The following CASZ1 variants were observed in gnomAD, a reference collection of about 807,000 sequenced individuals.
CASZ1 encodes the protein castor zinc finger 1, also known as zinc finger protein castor homolog 1.
CASZ1 carries 28 observed loss-of-function variants against 135.2 expected under a neutral mutation model. The ratio of observed to expected loss-of-function variants is 0.21; its 90% CI spans 0.15 to 0.28. The LOEUF is 0.28. Ranked by LOEUF, CASZ1 falls within the 10% of genes least tolerant of loss-of-function variation. The probability of loss-of-function intolerance (pLI) is 1.00; values close to 1 mark genes in which losing one functional copy is unlikely to be tolerated. For synonymous variants in CASZ1, 1,068 were observed against 1,073.4 expected, an observed-to-expected ratio of 0.99 and a Z score of 0.10; for missense variants, 2,161 against 2,453.3, an observed-to-expected ratio of 0.88 and a Z score of 2.52.
chr1:10,643,193 C>G lies in CASZ1; in HGVS notation c.3987G>C (p.Leu1329=). ...SHARKHMRRM[L]GKNFDRVPPS... is the part of the protein sequence containing the mutation. ...GGGGCACGCGGTCGAAGTTCTTCCC[C>G]AGCATCCTCCGCATGTGCTTCCGCG... Residue 1329 remains leucine, a synonymous_variant, in exon 19 of 21, where the codon CTG becomes CTC. Transcript: ENST00000377022. The G allele has an allele frequency of 6.2e-7, 1 of 1,612,320 alleles. No homozygotes were observed.
At chr1:10,686,111 G>GC (rs1176875910) in intron 4 of CASZ1, among the ~76,000 whole-genome samples, 1 of 152,020 alleles carries the variant, frequency 6.6e-6, no homozygotes, top group African/African-American at 2.4e-5. Context: ...CCCAGGAAGG[G>GC]CCCCCCACCC....
rs1638871556 is a variant in CASZ1 at position 10,694,537 on chromosome 1, C to T, written c.-23-625G>A. ...CAGGGCGGCCGCGGCGCCGCCTCCT[C>T]GGCCCGGCCCGCGCCGGCCCCGGCA... is the stretch of plus-strand genomic sequence containing the variant. On this transcript the variant is annotated intron_variant, in intron 3 of 20. Transcript: ENST00000377022. This position sits in a 1 kb window ranked among gnomAD's most constrained non-coding sequence, Gnocchi z 6.6. 7.0e-6 allele frequency: 1 copy of T among 143,802 alleles called. No homozygotes were observed. The highest frequency in any genetic ancestry group is 2.1e-4 in the East Asian group (1 of 4,668). 8.9% of individuals were successfully genotyped at this position (143,802 alleles called of 1,614,324 possible).
intron 4 of CASZ1, among the ~76,000 whole-genome samples, chr1:10,665,974 G>A (rs894275343): frequency 3.3e-5 from 5 of 152,160 alleles, no homozygotes; most frequent in Admixed American, 1.3e-4. Flanking sequence ...TTAAGGAGCC[G>A]GCTATGCGGT....
Position 10,665,373 on chromosome 1 carries a change from C to G in CASZ1, c.215G>C (p.Gly72Ala). Reference sequence around the variant, plus strand: ...CTCGCTGCGGGGGGCCCGGGCTGCCCCAGACTCAGGGCCACTGCGCTCTTG... The same window carrying G: ...CTCGCTGCGGGGGGCCCGGGCTGCCGCAGACTCAGGGCCACTGCGCTCTTG... Reference protein sequence around the residue: ...RDQERSGPESGAARAPRSEED... With the variant: ...RDQERSGPESAAARAPRSEED... The change falls in exon 5 of 21, where the codon GGG becomes GCG. Residue 72 changes from glycine to alanine, a missense_variant. Physicochemically the swap from Gly to Ala is moderately conservative, Grantham distance 60. Transcript: ENST00000377022. 6.2e-7 allele frequency: 1 copy of G among 1,612,006 alleles called. No homozygotes were observed. The highest frequency in any genetic ancestry group is 8.5e-7 in the Non-Finnish European group (1 of 1,178,762).
chr1:10,713,221 C>T (rs912755715), intron 2 of CASZ1, among the ~76,000 whole-genome samples: 1 of 152,252 alleles, frequency 6.6e-6, no homozygotes, highest in Non-Finnish European at 1.5e-5. Context: ...CAGCTCATTA[C>T]ATCCGGGGGG....
rs2100498077 is a variant in CASZ1, at chr1:10,726,915, T to G, written c.-76-21371A>C. On this transcript the variant is annotated intron_variant, in intron 2 of 20. Transcript: ENST00000377022. This position sits in a 1 kb window ranked among gnomAD's most constrained non-coding sequence, Gnocchi z 5.7. ...ATGAATCAGCACCTGCCAAACCCAC[T>G]GAGGTGTCAGGTAAATAGCACCATG... Among the ~76,000 whole-genome samples the G allele has an allele frequency of 1.3e-5, 2 of 152,236 alleles. No individual in the cohort carries two copies. The highest frequency in any genetic ancestry group is 1.3e-4 in the Admixed American group (2 of 15,304).
chr1:10,738,927 T>G (rs1639857266), intron 2 of CASZ1, among the ~76,000 whole-genome samples: 2 of 149,192 alleles, frequency 1.3e-5, no homozygotes, highest in Non-Finnish European at 3.0e-5. Flanking sequence ...GGTTTTTTTT[T>G]TTTTTTTTTT....
At chr1:10,682,786 C>T (rs934785666) in intron 4 of CASZ1, among the ~76,000 whole-genome samples, 3 of 152,328 alleles carry the variant, frequency 2.0e-5, no homozygotes, top group Middle Eastern at 3.4e-3. Context: ...GAAGGCCTCC[C>T]GAGGAGCCCC....
At chr1:10,649,677 C>A in intron 13 of CASZ1, 2 of 491,014 alleles carry the variant, frequency 4.1e-6, no homozygotes, top group Non-Finnish European at 3.6e-6. Flanking sequence ...CACATGAGCC[C>A]GTGCCGCGGG....
At chr1:10,771,323 T>C (rs763333630) in intron 1 of CASZ1, among the ~76,000 whole-genome samples, 4 of 152,034 alleles carry the variant, frequency 2.6e-5, no homozygotes, top group Non-Finnish European at 5.9e-5. Flanking sequence ...GTTTTTATTA[T>C]TATTATTATT....
chr1:10,664,345 C>A (rs1173360286), intron 5 of CASZ1, among the ~76,000 whole-genome samples: 4 of 151,828 alleles, frequency 2.6e-5, no homozygotes, highest in African/African-American at 9.7e-5. Context: ...CCCCGGCCCA[C>A]CCTCCCCTGA....
At position 10,679,413 on chromosome 1, in the gene CASZ1, G is replaced by A. The variant is rs1638341466; in HGVS notation, c.17-13842C>T. On this transcript the variant is annotated intron_variant, in intron 4 of 20. Transcript: ENST00000377022. This position sits in a 1 kb window ranked among gnomAD's most constrained non-coding sequence, Gnocchi z 4.7. The stretch of plus-strand genomic sequence containing the variant: ...AGACCCCTGGAGCCAACGCCACCCA[G>A]GGCTCCCTCTGCCGATTCCAGGCTG... Among the ~76,000 whole-genome samples, 1 of 152,112 alleles carries A rather than the reference G, an allele frequency of 6.6e-6. No individual in the cohort carries two copies. Among genetic ancestry groups the A allele is most frequent in the Admixed American group, 6.5e-5 (1 of 15,292 alleles).
At chr1:10,689,379 A>G (rs1164545577) in intron 4 of CASZ1, among the ~76,000 whole-genome samples, 1 of 152,188 alleles carries the variant, frequency 6.6e-6, no homozygotes, top group Non-Finnish European at 1.5e-5. Flanking sequence ...TAAAAACCCA[A>G]GCTGCAGCTC....
Position 10,647,165 on chromosome 1 carries a change from C to T in CASZ1, c.3497+636G>A, listed in dbSNP as rs973926948. 6 of 910,288 alleles carry T rather than the reference C, an allele frequency of 6.6e-6. No individual in the cohort carries two copies. In the African/African-American group the frequency reaches 1.1e-4, roughly 16 times the overall value. 56.4% of individuals were successfully genotyped at this position (910,288 alleles called of 1,614,324 possible). A position where few individuals can be genotyped will look rare whatever the true frequency, so the allele number is the denominator to read the frequency against. ...GCTGGGCCCCTTCCATGCTGTGGGC[C>T]CAGCCCCAGTTGCTCAGAGAGGGAG... is the stretch of plus-strand genomic sequence containing the variant. On this transcript the variant is annotated intron_variant, in intron 16 of 20. Transcript: ENST00000377022. This position sits in a 1 kb window ranked among gnomAD's most constrained non-coding sequence, Gnocchi z 4.9.
chr1:10,761,935 T>C (rs1272078400), intron 1 of CASZ1, among the ~76,000 whole-genome samples: 1 of 152,056 alleles, frequency 6.6e-6, no homozygotes, highest in Non-Finnish European at 1.5e-5. Context: ...CCTTCCCCCT[T>C]TGCGGGAAGA....
Position 10,653,773 on chromosome 1 carries a change from G to T in CASZ1, c.2284C>A (p.Pro762Thr). The T allele has an allele frequency of 6.2e-7, 1 of 1,610,994 alleles. No individual in the cohort carries two copies. The highest frequency in any genetic ancestry group is 8.5e-7 in the Non-Finnish European group (1 of 1,178,444). The change falls in exon 11 of 21, where the codon CCC becomes ACC. Residue 762 changes from proline (P) to threonine (T), a missense_variant. Pro to Thr is a conservative substitution (Grantham distance 38). Transcript: ENST00000377022. The part of the protein sequence containing the change: ...AAATAATEAG[P>T]SATKPPNSKI... ...CTGTTGGGAGGTTTGGTGGCACTGG[G>T]CCCAGCCTCGGTGGCGGCAGTGGCG...
Position 10,639,614 on chromosome 1 carries a change from G to A in CASZ1, c.4608C>T (p.His1536=), listed in dbSNP as rs1421697642. The part of the protein sequence containing the change: ...DSTKVTAHRK[H]HGKQDVISAA... ...CGCTGATCACGTCCTGTTTGCCGTGGTGCTTGCGATGCGCCGTGACCTTGG... is the reference window on the plus strand; with the variant it reads ...CGCTGATCACGTCCTGTTTGCCGTGATGCTTGCGATGCGCCGTGACCTTGG... Residue 1536 remains histidine (H), a synonymous_variant, in exon 21 of 21, where the codon CAC becomes CAT. Coordinates refer to ENST00000377022, the MANE Select transcript of CASZ1 (RefSeq NM_001079843.3). The surrounding 1 kb of genome is among the most constrained non-coding windows in gnomAD (Gnocchi z 4.0). The A allele has an allele frequency of 1.2e-6, 2 of 1,610,638 alleles. No homozygotes were observed. The highest frequency in any genetic ancestry group is 1.7e-6 in the Non-Finnish European group (2 of 1,179,698).
intron 1 of CASZ1, among the ~76,000 whole-genome samples, chr1:10,789,866 G>A (rs190843738): frequency 1.4e-4 from 21 of 152,276 alleles, no homozygotes; most frequent in Non-Finnish European, 1.9e-4. Context: ...CCTCGTTAAC[G>A]TGCAGCTCTT....
chr1:10,662,908 G>C (rs139624068), intron 5 of CASZ1, among the ~76,000 whole-genome samples: 1 of 152,294 alleles, frequency 6.6e-6, no homozygotes, highest in African/African-American at 2.4e-5. Flanking sequence ...ATTCTGAGCT[G>C]TTCTTGCGGA....
Sources: gnomAD v4.1 joint callset for allele counts (sites outside exome capture counted in the v4.1 genomes callset) on GRCh38, gnomAD v4.1.1 for gene constraint, Gnocchi (gnomAD v3.1) non-coding constraint, MANE v1.5 for transcripts, NCBI Gene and HGNC (gene_info 2026-07-23, HGNC 2026-07-21) for gene names.